The following MEG3 variants were observed in gnomAD, a reference collection of about 807,000 sequenced individuals.
MEG3 encodes Very putative protein from MEG3 locus.
exon 1 of MEG3, chr14:100,834,854 G>A (rs544144032): frequency 5.1e-4 from 231 of 455,828 alleles, no homozygotes; most frequent in African/African-American, 4.4e-3. Flanking sequence ...TTTTTGAGAG[G>A]TGTGTGAGCA....
chr14:100,860,358 C>A, intron 1 of MEG3: 1 of 307,442 alleles, frequency 3.3e-6, no homozygotes, highest in Non-Finnish European at 6.4e-6. Context: ...TTTAGAGAGG[C>A]TGAGAGTCCT....
intron 2 of MEG3, among the ~76,000 whole-genome samples, chr14:100,844,581 T>G (rs566842575): frequency 6.6e-6 from 1 of 152,252 alleles, no homozygotes; most frequent in South Asian, 2.1e-4. Context: ...GTTGCCTCCG[T>G]GTGGTGTGGT....
At chr14:100,826,233 T>C (rs2037226383) in intron 1 of MEG3, 1 of 152,084 alleles carries the variant, frequency 6.6e-6, no homozygotes, top group South Asian at 2.1e-4. Context: ...TGGTTGGCCA[T>C]CCTTGCCGCA....
chr14:100,834,616 C>T (rs2037501143), exon 1 of MEG3: 1 of 450,132 alleles, frequency 2.2e-6, no homozygotes, highest in South Asian at 1.6e-5. Context: ...ATCTCCCTCT[C>T]TTTGTCCCTC....
chr14:100,855,078 C>T (rs2038198184), upstream of MEG3: 1 of 152,702 alleles, frequency 6.5e-6, no homozygotes, highest in Non-Finnish European at 1.5e-5. Context: ...CCTCCGCTCT[C>T]AGCAGAGCTG....
At chr14:100,860,523 G>A (rs914101317) in intron 1 of MEG3, among the ~76,000 whole-genome samples, 2 of 152,232 alleles carry the variant, frequency 1.3e-5, no homozygotes, top group East Asian at 3.9e-4. Context: ...TAGACAGGCC[G>A]AGCTGGTGGC....
intron 2 of MEG3, among the ~76,000 whole-genome samples, chr14:100,839,337 C>A (rs376024097): frequency 2.0e-5 from 3 of 152,178 alleles, no homozygotes; most frequent in Non-Finnish European, 2.9e-5. Flanking sequence ...GACTGGTTCC[C>A]CCTCCCTGCT....
At chr14:100,834,398 T>G in exon 1 of MEG3, 1 of 262,702 alleles carries the variant, frequency 3.8e-6, no homozygotes, top group Non-Finnish European at 7.5e-6. Flanking sequence ...TCTCTGGGGT[T>G]TTGTGCCCAA....
At chr14:100,854,394 G>C (rs183085292), upstream of MEG3, 1 of 152,294 alleles carries the variant, frequency 6.6e-6, no homozygotes, top group Admixed American at 6.5e-5. Context: ...GCTCACTGGA[G>C]GCATTCAAGG....
chr14:100,833,103 T>G (rs1441705500), downstream of MEG3: 2 of 152,248 alleles, frequency 1.3e-5, no homozygotes, highest in African/African-American at 4.8e-5. Context: ...TGAATGCATG[T>G]TGGCATCCCA....
At chr14:100,849,678 G>C (rs1258205824) in intron 3 of MEG3, 1 of 152,198 alleles carries the variant, frequency 6.6e-6, no homozygotes, top group African/African-American at 2.4e-5. Context: ...TGTAAGAGTA[G>C]GATCTGTTAG....
rs182848044 is a variant in MEG3, at chr14:100,839,525, G to T, written n.3045+3225G>T. On this transcript the variant is annotated intron_variant and non_coding_transcript_variant, in intron 2 of 3. Transcript: ENST00000398461. ...AAGGATGAATCTGGGGTAGGAGAGG[G>T]TCTCGTATGGAGCCCCATTCAGACA... Among the ~76,000 whole-genome samples, 251 of 152,316 alleles carry T rather than the reference G, an allele frequency of 1.6e-3. 1 individual carries two copies. The highest frequency in any genetic ancestry group is 6.9e-3 in the South Asian group (33 of 4,816).
Position 100,842,321 on chromosome 14 carries a change from A to T in MEG3, n.3046-3137A>T, listed in dbSNP as rs570432213. Among the ~76,000 whole-genome samples, 16 of 152,336 alleles carry T rather than the reference A, an allele frequency of 1.1e-4. No homozygotes were observed. In the South Asian group the frequency reaches 3.1e-3, roughly 30 times the overall value. On this transcript the variant is annotated intron_variant and non_coding_transcript_variant, in intron 2 of 3. Transcript: ENST00000398461. The stretch of plus-strand genomic sequence containing the variant: ...CTCTCTAATTGCCCACTCCTGAAGC[A>T]AAGAGGTGAAATTCCAGGAAGAGGC...
downstream of MEG3, chr14:100,829,232 G>A (rs142070825): frequency 6.6e-6 from 1 of 152,336 alleles, no homozygotes; most frequent in African/African-American, 2.4e-5. Flanking sequence ...CTCATACTTT[G>A]ACTCTATGAG....
rs3783354 is a variant in MEG3 at position 100,837,534 on chromosome 14, C to A, written n.3045+1234C>A. Among the ~76,000 whole-genome samples, 4,779 of 152,132 alleles carry A rather than the reference C, an allele frequency of 0.031. 127 individuals are homozygous for A. The highest frequency in any genetic ancestry group is 0.085 in the East Asian group (436 of 5,136). On this transcript the variant is annotated intron_variant and non_coding_transcript_variant, in intron 2 of 3. Transcript: ENST00000398461. The surrounding 1 kb of genome is among the most constrained non-coding windows in gnomAD (Gnocchi z 5.8). ...TGTCCTTGGCCCAGATGCCAATACT[C>A]CCCTCTGGACGCCCACGAATGGGGT...
chr14:100,852,046 G>A (rs997092510), intron 3 of MEG3: 20 of 281,552 alleles, frequency 7.1e-5, no homozygotes, highest in African/African-American at 3.4e-4. Context: ...AGCACAGCTT[G>A]GATGGACTCA....
intron 1 of MEG3, chr14:100,826,447 C>T (rs1199867392): frequency 1.3e-5 from 2 of 152,398 alleles, no homozygotes; most frequent in African/African-American, 2.4e-5. Flanking sequence ...TCTGGAGGGT[C>T]CAGTCCTTAA....
At chr14:100,860,956 C>T (rs1054272541) in exon 2 of MEG3, 5 of 321,608 alleles carry the variant, frequency 1.6e-5, no homozygotes, top group East Asian at 9.8e-5. Flanking sequence ...CGCTGTGATG[C>T]GGTTCCAAAG....
intron 1 of MEG3, chr14:100,836,054 T>A: frequency 2.7e-6 from 1 of 368,040 alleles, no homozygotes; most frequent in South Asian, 2.1e-5. Context: ...GTCACCCCAC[T>A]CCACCGAAAA....
Sources: gnomAD v4.1 joint callset for allele counts (sites outside exome capture counted in the v4.1 genomes callset) on GRCh38, gnomAD v4.1.1 for gene constraint, Gnocchi (gnomAD v3.1) non-coding constraint, MANE v1.5 for transcripts, NCBI Gene and HGNC (gene_info 2026-07-23, HGNC 2026-07-21) for gene names.